The following DENND3 variants were observed in gnomAD, a reference collection of about 807,000 sequenced individuals.
DENND3 encodes the protein DENN domain containing 3, also known as DENN domain-containing protein 3.
In DENND3, 88 loss-of-function variants were observed where a neutral mutation model predicts 135.1. The observed-to-expected ratio is 0.65, with a 90% CI of 0.55 to 0.78. The LOEUF (loss-of-function observed/expected upper bound fraction) is 0.78. Among genes scored for constraint, DENND3 ranks in the 30% least tolerant of loss-of-function variants. The pLI is 0.00. For synonymous variants in DENND3, 693 were observed against 712.3 expected (o/e 0.97, Z 0.43); for missense variants, 1,392 against 1,688.4 (o/e 0.82, Z 3.08).
chr8:141,166,469 C>A lies in DENND3; in HGVS notation c.1753+80C>A, dbSNP rs1820812366. On this transcript the variant is annotated intron_variant, in intron 12 of 22. Transcript: ENST00000519811. The surrounding 1 kb of genome is among the most constrained non-coding windows in gnomAD (Gnocchi z 4.3). ...TGCAAGTCATTGAGCAAAACTGGGA[C>A]TTGTTTCAGGAGAGACGAGTGGGCT... 3.4e-6 allele frequency: 5 copies of A among 1,464,146 alleles called. No homozygotes were observed. The South Asian group carries it at 6.3e-5, about 19-fold the overall frequency. 90.7% of individuals were successfully genotyped at this position (1,464,146 alleles called of 1,614,324 possible). A position where few individuals can be genotyped will look rare whatever the true frequency, so the allele number is the denominator to read the frequency against.
At position 141,168,323 on chromosome 8, in the gene DENND3, T is replaced by C. The variant is rs1190897438; in HGVS notation, c.2073T>C (p.Ala691=). 1.9e-6 allele frequency: 3 copies of C among 1,613,802 alleles called. No individual in the cohort carries two copies. The highest frequency in any genetic ancestry group is 2.7e-5 in the African/African-American group (2 of 74,886). Residue 691 remains alanine, a synonymous_variant, in exon 13 of 23, where the codon GCT becomes GCC. Coordinates refer to ENST00000519811, the MANE Select transcript of DENND3 (RefSeq NM_001352890.3). This position sits in a 1 kb window ranked among gnomAD's most constrained non-coding sequence, Gnocchi z 6.2. ...TGTCTGCCCCTGAGTGGGAGGGGGC[T>C]GAGCAGGCGCCGGAGCTGATGAGGC... ...ESMSAPEWEG[A]EQAPELMRLI... is the part of the protein sequence containing the mutation.
In DENND3 at chr8:141,154,412, G is replaced by C. The variant is rs936557722; in HGVS notation, c.1075-1437G>C. ...TTGGAGGGGCGGAGCTGGCTGGGGA[G>C]CTGAGCCAACACAGTGGATGTTGGA... On this transcript the variant is annotated intron_variant, in intron 7 of 22. Coordinates refer to ENST00000519811, the MANE Select transcript of DENND3 (RefSeq NM_001352890.3). The surrounding 1 kb of genome is among the most constrained non-coding windows in gnomAD (Gnocchi z 4.4). Among the ~76,000 whole-genome samples the C allele has an allele frequency of 1.3e-5, 2 of 152,182 alleles. No homozygotes were observed. Among genetic ancestry groups the C allele is most frequent in the African/African-American group, 4.8e-5 (2 of 41,458 alleles).
intron 9 of DENND3, 25 bp from the exon 10 acceptor site, chr8:141,163,308 C>T: frequency 6.9e-7 from 1 of 1,444,104 alleles, no homozygotes; most frequent in South Asian, 1.2e-5. Flanking sequence ...AGTTTTAGCA[C>T]TCAGACTCTC....
At position 141,175,332 on chromosome 8, in the gene DENND3, G is replaced by A. The variant is rs747960910; in HGVS notation, c.2408G>A (p.Cys803Tyr). Residue 803 changes from cysteine (C) to tyrosine (Y), a missense_variant, in exon 14 of 23, where the codon TGT becomes TAT. By Grantham distance (194) the Cys-to-Tyr change is radical. Transcript: ENST00000519811. The surrounding 1 kb of genome is among the most constrained non-coding windows in gnomAD (Gnocchi z 5.4). ...CACCTGGATAAAAACGAGTGTGTGT[G>A]TAAGTTGTCCAGCTCCGTCAAGACA... The part of the protein sequence containing the change: ...MEHLDKNECV[C>Y]KLSSSVKTNL... The A allele has an allele frequency of 7.4e-6, 12 of 1,614,130 alleles. No homozygotes were observed. Among genetic ancestry groups the A allele is most frequent in the Non-Finnish European group, 9.3e-6 (11 of 1,180,056 alleles).
Position 141,141,266 on chromosome 8 carries a change from G to A in DENND3, c.565G>A (p.Ala189Thr), listed in dbSNP as rs1320628058. 4.3e-6 allele frequency: 7 copies of A among 1,614,034 alleles called. No homozygotes were observed. The East Asian group carries it at 6.7e-5, about 15-fold the overall frequency. Residue 189 changes from alanine (A) to threonine (T), a missense_variant, in exon 4 of 23, where the codon GCG (alanine) becomes ACG (threonine). Ala to Thr is a moderately conservative substitution (Grantham distance 58). Transcript: ENST00000519811. This position sits in a 1 kb window ranked among gnomAD's most constrained non-coding sequence, Gnocchi z 5.3. ...RECPGCFVPF[A>T]VCVVSRFPYY... ...GTGTCCTGGCTGCTTCGTGCCCTTC[G>A]CGGTGTGCGTGGTCTCCAGGTTTCC...
At chr8:141,191,964 T>TA (rs1411805677) in intron 20 of DENND3, 1 of 173,712 alleles carries the variant, frequency 5.8e-6, no homozygotes, top group Non-Finnish European at 1.2e-5. Context: ...CCTCCTTAAC[T>TA]AACTATGATA....
Position 141,144,121 on chromosome 8 carries a change from G to A in DENND3, c.624-27G>A. On this transcript the variant is annotated intron_variant, in intron 4 of 22. Coordinates refer to ENST00000519811, the MANE Select transcript of DENND3 (RefSeq NM_001352890.3). This position sits in a 1 kb window ranked among gnomAD's most constrained non-coding sequence, Gnocchi z 4.4. ...ACTGCGTTCTCATCTTTATTTTGCG[G>A]TTTGAGTTTTGTGTTTCGAATTTCA... The A allele has an allele frequency of 6.3e-7, 1 of 1,585,058 alleles. No individual in the cohort carries two copies. The highest frequency in any genetic ancestry group is 8.6e-7 in the Non-Finnish European group (1 of 1,160,546).
chr8:141,152,833 G>A (rs1197300818), intron 7 of DENND3, among the ~76,000 whole-genome samples: 5 of 152,118 alleles, frequency 3.3e-5, no homozygotes, highest in Non-Finnish European at 7.4e-5. Flanking sequence ...AGCTGTTTTC[G>A]CAAAGCGGCC....
intron 20 of DENND3, chr8:141,192,060 AG>A (rs1432210135): frequency 2.7e-6 from 1 of 370,410 alleles, no homozygotes; most frequent in Non-Finnish European, 4.9e-6. Context: ...TTGCTTAAGC[AG>A]TCAATGATCT....
chr8:141,176,690 A>C lies in DENND3; in HGVS notation c.2635A>C (p.Thr879Pro). 6.2e-7 allele frequency: 1 copy of C among 1,614,242 alleles called. No individual in the cohort carries two copies. The highest frequency in any genetic ancestry group is 8.5e-7 in the Non-Finnish European group (1 of 1,180,040). The change falls in exon 15 of 23, where the codon ACC becomes CCC. Residue 879 changes from threonine to proline, a missense_variant. Physicochemically the swap from Thr to Pro is conservative, Grantham distance 38. Coordinates refer to ENST00000519811, the MANE Select transcript of DENND3 (RefSeq NM_001352890.3). ...AGAAGTCTTCGAAGCCAACCTGAAAACCGAGTGTGACCTTTGGCACCTGAT... is the reference window on the plus strand; with the variant it reads ...AGAAGTCTTCGAAGCCAACCTGAAACCCGAGTGTGACCTTTGGCACCTGAT... ...KKEVFEANLK[T>P]ECDLWHLMVK...
At chr8:141,188,068 G>GTGGTGGCATCAGCCAGGCA (rs1569557013) in intron 18 of DENND3, among the ~76,000 whole-genome samples, 3 of 151,622 alleles carry the variant, frequency 2.0e-5, no homozygotes, top group African/African-American at 7.3e-5. Context: ...TCAGCCAGGC[G>GTGGTGGCATCAGCCAGGCA]TGGTGGCATC....
Position 141,130,948 on chromosome 8 carries a change from G to A in DENND3, c.102+2139G>A, listed in dbSNP as rs1402677577. Among the ~76,000 whole-genome samples the A allele has an allele frequency of 2.0e-5, 3 of 152,184 alleles. No homozygotes were observed. The highest frequency in any genetic ancestry group is 7.2e-5 in the African/African-American group (3 of 41,446). On this transcript the variant is annotated intron_variant, in intron 1 of 22. Coordinates refer to ENST00000519811, the MANE Select transcript of DENND3 (RefSeq NM_001352890.3). This position sits in a 1 kb window ranked among gnomAD's most constrained non-coding sequence, Gnocchi z 4.2. ...GATCTGCCCGCCTCGGCCTCCCAAAGTGTTGGGATTATAGGTGTGAGCCAC... is the reference window on the plus strand; with the variant it reads ...GATCTGCCCGCCTCGGCCTCCCAAAATGTTGGGATTATAGGTGTGAGCCAC...
chr8:141,151,569 T>A (rs576344312), intron 6 of DENND3, 50 bp from the exon 7 acceptor site: 36 of 1,206,484 alleles, frequency 3.0e-5, no homozygotes, highest in Non-Finnish European at 4.0e-5. Context: ...CTGTCTGTAT[T>A]TTTTTTTTTT....
intron 5 of DENND3, among the ~76,000 whole-genome samples, chr8:141,145,647 CAG>C: frequency 6.6e-6 from 1 of 151,704 alleles, no homozygotes; most frequent in East Asian, 1.9e-4. Context: ...CTGTGATAAA[CAG>C]AGCTAGTGAT....
intron 9 of DENND3, 145 bp downstream of exon 9, chr8:141,160,932 C>G (rs528225897): frequency 2.8e-6 from 3 of 1,080,894 alleles, no homozygotes; most frequent in Admixed American, 2.9e-5. Flanking sequence ...CCTGCCAAAG[C>G]TTTTCTTGTG....
chr8:141,146,786 A>G lies in DENND3; in HGVS notation c.735+2527A>G, dbSNP rs1818200212. 6.6e-6 allele frequency among the ~76,000 whole-genome samples: 1 copy of G among 152,150 alleles called. No homozygotes were observed. The highest frequency in any genetic ancestry group is 2.1e-4 in the South Asian group (1 of 4,826). ...CTGCTCCCAGAAGCCTTTGTAGGGCATGTTTATCGGCCGCGTGTTTTATGT... is the reference window on the plus strand; with the variant it reads ...CTGCTCCCAGAAGCCTTTGTAGGGCGTGTTTATCGGCCGCGTGTTTTATGT... On this transcript the variant is annotated intron_variant, in intron 5 of 22. Transcript: ENST00000519811. The surrounding 1 kb of genome is among the most constrained non-coding windows in gnomAD (Gnocchi z 4.3).
chr8:141,166,502 G>C lies in DENND3; in HGVS notation c.1753+113G>C. The C allele has an allele frequency of 9.0e-7, 1 of 1,111,348 alleles. No individual in the cohort carries two copies. Among genetic ancestry groups the C allele is most frequent in the Non-Finnish European group, 1.3e-6 (1 of 792,506 alleles). The allele number at this position is 1,111,348 out of a possible 1,614,324, so 68.8% of individuals were successfully genotyped here. A position where few individuals can be genotyped will look rare whatever the true frequency, so the allele number is the denominator to read the frequency against. On this transcript the variant is annotated intron_variant, in intron 12 of 22. Transcript: ENST00000519811. This position sits in a 1 kb window ranked among gnomAD's most constrained non-coding sequence, Gnocchi z 4.3. Reference sequence around the variant, plus strand: ...AGGAGAGACGAGTGGGCTTGTTTTAGCAGCTGAGTTATTTGAAATGTTTAG... The same window carrying C: ...AGGAGAGACGAGTGGGCTTGTTTTACCAGCTGAGTTATTTGAAATGTTTAG...
intron 5 of DENND3, among the ~76,000 whole-genome samples, chr8:141,145,832 TATATATATATA>T (rs1818010475): frequency 1.1e-4 from 9 of 82,796 alleles, no homozygotes; most frequent in African/African-American, 7.7e-4. Flanking sequence ...TATATATATA[TATATATATATA>T]TATATATGTA....
At chr8:141,183,788 T>G (rs1484229082) in intron 17 of DENND3, among the ~76,000 whole-genome samples, 3 of 148,452 alleles carry the variant, frequency 2.0e-5, no homozygotes, top group Non-Finnish European at 4.4e-5. Context: ...TGCTTGAAAG[T>G]GCAACAGGCT....
Sources: allele counts gnomAD v4.1 joint callset (sites outside exome capture counted in the v4.1 genomes callset), GRCh38; gene constraint gnomAD v4.1.1; non-coding constraint Gnocchi (gnomAD v3.1); transcripts MANE v1.5; gene names NCBI Gene and HGNC (gene_info 2026-07-23, HGNC 2026-07-21).